The following FER variants were observed in gnomAD, a reference collection of about 807,000 sequenced individuals.
FER encodes the protein FER tyrosine kinase.
Under a neutral mutation model 111.0 loss-of-function variants are expected in FER, and 63 were observed. The ratio of observed to expected loss-of-function variants is 0.57; its 90% CI spans 0.46 to 0.70. The LOEUF (loss-of-function observed/expected upper bound fraction) is 0.70, where lower values mean the gene tolerates loss of function less well. FER is among the 30% of genes least tolerant of loss of function. The probability of loss-of-function intolerance (pLI) is 0.00; values close to 1 mark genes in which losing one functional copy is unlikely to be tolerated. For synonymous variants in FER, 327 were observed against 313.9 expected (o/e 1.04, Z -0.44); for missense variants, 914 against 954.0 (o/e 0.96, Z 0.55).
chr5:109,075,994 A>G (rs115354931), intron 16 of FER, among the ~76,000 whole-genome samples: 7 of 152,090 alleles, frequency 4.6e-5, no homozygotes, highest in African/African-American at 1.7e-4. Context: ...ATGAAAAAAA[A>G]AATTAGAAGC....
Position 109,187,612 on chromosome 5 carries a change from G to C in FER, c.*37G>C, listed in dbSNP as rs1226171693. On this transcript the variant is annotated 3_prime_UTR_variant, in exon 20 of 20. Coordinates refer to ENST00000281092, the MANE Select transcript of FER (RefSeq NM_005246.4). Reference sequence around the variant, plus strand: ...CGCCAAACTCAGCCTTCAGGACTCTGTCCTCCAGCAGAGTAACATTATTGT... The same window carrying C: ...CGCCAAACTCAGCCTTCAGGACTCTCTCCTCCAGCAGAGTAACATTATTGT... 19 of 1,611,164 alleles carry C rather than the reference G, an allele frequency of 1.2e-5. No homozygotes were observed. Among genetic ancestry groups the C allele is most frequent in the Non-Finnish European group, 1.5e-5 (18 of 1,178,378 alleles).
intron 17 of FER, among the ~76,000 whole-genome samples, chr5:109,139,742 A>G (rs953726368): frequency 2.0e-5 from 3 of 152,154 alleles, no homozygotes; most frequent in Admixed American, 6.5e-5. Flanking sequence ...TTTTGCTGAC[A>G]TGCCCTAATG....
intron 13 of FER, among the ~76,000 whole-genome samples, chr5:109,027,646 G>A (rs1253232555): frequency 6.6e-6 from 1 of 152,160 alleles, no homozygotes; most frequent in South Asian, 2.1e-4. Flanking sequence ...CATCCAAAGA[G>A]ATTTGGCAGC....
intron 17 of FER, among the ~76,000 whole-genome samples, chr5:109,109,634 C>T (rs1362916776): frequency 2.0e-5 from 3 of 152,106 alleles, no homozygotes; most frequent in African/African-American, 7.2e-5. Flanking sequence ...CTTTCCACTC[C>T]CCACAGCATC....
chr5:109,151,161 T>A (rs1324851738), intron 17 of FER, among the ~76,000 whole-genome samples: 1 of 152,128 alleles, frequency 6.6e-6, no homozygotes, highest in Non-Finnish European at 1.5e-5. Flanking sequence ...TCAGATTTTT[T>A]AAAAAATCAC....
At chr5:109,142,042 C>T (rs1486211342) in intron 17 of FER, among the ~76,000 whole-genome samples, 1 of 152,034 alleles carries the variant, frequency 6.6e-6, no homozygotes. Context: ...TTTGTTAGTA[C>T]CACTGAATTT....
chr5:108,968,826 C>T lies in FER; in HGVS notation c.1656+9479C>T, dbSNP rs569688014. On this transcript the variant is annotated intron_variant, in intron 13 of 19. Transcript: ENST00000281092. ...CAAAAGGGTGAATCTCTTCAATATA[C>T]AGTGTGCTACTAGAAATGGATAAGG... is the stretch of plus-strand genomic sequence containing the variant. Among the ~76,000 whole-genome samples the T allele has an allele frequency of 8.5e-5, 13 of 152,126 alleles. No homozygotes were observed. In the East Asian group the frequency reaches 2.3e-3, roughly 27 times the overall value.
chr5:109,044,643 C>A, intron 14 of FER, 37 bp from the exon 15 acceptor site: 2 of 1,082,152 alleles, frequency 1.8e-6, no homozygotes, highest in South Asian at 1.6e-5. Flanking sequence ...TACATGCTGT[C>A]ATTTACCCCA....
intron 6 of FER, among the ~76,000 whole-genome samples, chr5:108,868,971 T>C (rs1004853208): frequency 2.0e-5 from 3 of 152,080 alleles, no homozygotes; most frequent in African/African-American, 7.2e-5. Flanking sequence ...AGCCAGAGGT[T>C]GCAAATTTTT....
In FER at chr5:109,192,811, A is replaced by G. The variant is rs1285164052; in HGVS notation, c.*5236A>G. On this transcript the variant is annotated 3_prime_UTR_variant, in exon 20 of 20. Coordinates refer to ENST00000281092, the MANE Select transcript of FER (RefSeq NM_005246.4). Reference sequence around the variant, plus strand: ...ATGATGAGAGCTACTGTGGGGAAACATAGTATTCAACAGAGAAATGGAAGA... The same window carrying G: ...ATGATGAGAGCTACTGTGGGGAAACGTAGTATTCAACAGAGAAATGGAAGA... The G allele has an allele frequency of 6.6e-6, 1 of 152,156 alleles. No homozygotes were observed. Among genetic ancestry groups the G allele is most frequent in the African/African-American group, 2.4e-5 (1 of 41,438 alleles). The allele number at this position is 152,156 out of a possible 1,614,324, so 9.4% of individuals were successfully genotyped here.
chr5:108,946,003 G>C, intron 10 of FER, 127 bp from the exon 11 acceptor site: 1 of 597,902 alleles, frequency 1.7e-6, no homozygotes, highest in Non-Finnish European at 2.9e-6. Flanking sequence ...TTGAATGTCA[G>C]GAAGTTTATA....
intron 17 of FER, among the ~76,000 whole-genome samples, chr5:109,177,828 G>C (rs1351316796): frequency 6.6e-6 from 1 of 152,190 alleles, no homozygotes; most frequent in African/African-American, 2.4e-5. Context: ...GTGAGATATA[G>C]CTGTCTCTGA....
At chr5:109,174,367 G>GTCT (rs1757462126) in intron 17 of FER, among the ~76,000 whole-genome samples, 1 of 152,146 alleles carries the variant, frequency 6.6e-6, no homozygotes, top group Non-Finnish European at 1.5e-5. Flanking sequence ...TTATTTTTTG[G>GTCT]TCAATCTCTG....
chr5:108,791,717 C>G (rs895201911), intron 2 of FER, among the ~76,000 whole-genome samples: 1 of 151,812 alleles, frequency 6.6e-6, no homozygotes, highest in African/African-American at 2.4e-5. Flanking sequence ...TTTATTTTGT[C>G]ATTTGTGCTT....
intron 10 of FER, among the ~76,000 whole-genome samples, chr5:108,940,636 C>A (rs548852596): frequency 6.6e-6 from 1 of 151,860 alleles, no homozygotes; most frequent in Non-Finnish European, 1.5e-5. Flanking sequence ...AGGTGTAGGC[C>A]GATGTGAAAG....
At chr5:108,935,836 A>T (rs1191598638) in intron 10 of FER, among the ~76,000 whole-genome samples, 1 of 152,090 alleles carries the variant, frequency 6.6e-6, no homozygotes, top group Non-Finnish European at 1.5e-5. Flanking sequence ...TAGAGCATAG[A>T]TTCTGAATCA....
chr5:109,012,586 A>T (rs552240773), intron 13 of FER, among the ~76,000 whole-genome samples: 1 of 152,360 alleles, frequency 6.6e-6, no homozygotes, highest in African/African-American at 2.4e-5. Context: ...GCCTTTCCAA[A>T]AATTTGAGAC....
At chr5:109,023,457 G>A (rs1251114169) in intron 13 of FER, among the ~76,000 whole-genome samples, 2 of 152,036 alleles carry the variant, frequency 1.3e-5, no homozygotes, top group Non-Finnish European at 2.9e-5. Context: ...GGAACAATGT[G>A]GACTCTCCTT....
chr5:109,169,184 A>G (rs1006309301), intron 17 of FER, among the ~76,000 whole-genome samples: 24 of 152,164 alleles, frequency 1.6e-4, no homozygotes, highest in African/African-American at 5.5e-4. Context: ...AAAAACCTTT[A>G]TCTTGTAGAG....
Sources: gnomAD v4.1 joint callset for allele counts (sites outside exome capture counted in the v4.1 genomes callset) on GRCh38, gnomAD v4.1.1 for gene constraint, MANE v1.5 for transcripts, NCBI Gene and HGNC (gene_info 2026-07-23, HGNC 2026-07-21) for gene names.